CDH18: variants seen among roughly 807,000 people sequenced by gnomAD.
CDH18 encodes the protein cadherin 18.
CDH18 carries 31 observed loss-of-function variants against 67.9 expected under a neutral mutation model. That is an observed-to-expected ratio of 0.46 (90% confidence interval 0.34 to 0.62). The LOEUF is 0.62. Ranked by LOEUF, CDH18 falls within the 20% of genes least tolerant of loss-of-function variation. The pLI, the probability that CDH18 is intolerant of heterozygous loss-of-function variation, is 0.01. For synonymous variants in CDH18, 362 were observed against 347.2 expected (o/e 1.04, Z -0.48); for missense variants, 890 against 975.5 (o/e 0.91, Z 1.17).
intron 1 of CDH18, among the ~76,000 whole-genome samples, chr5:20,384,285 A>G (rs1744136994): frequency 6.6e-6 from 1 of 152,076 alleles, no homozygotes; most frequent in African/African-American, 2.4e-5. Context: ...CCAGCATTCT[A>G]CTTTCCATTT....
At chr5:19,978,944 T>C (rs759268493) in intron 2 of CDH18, among the ~76,000 whole-genome samples, 7 of 152,150 alleles carry the variant, frequency 4.6e-5, no homozygotes, top group Non-Finnish European at 1.5e-5. Context: ...GCGATTAGTA[T>C]GTGAACATCT....
chr5:20,113,666 A>T lies in CDH18; in HGVS notation c.-517-121652T>A, dbSNP rs533171695. Among the ~76,000 whole-genome samples, 10 of 152,374 alleles carry T rather than the reference A, an allele frequency of 6.6e-5. No individual in the cohort carries two copies. The East Asian group carries it at 1.9e-3, about 29-fold the overall frequency. On this transcript the variant is annotated intron_variant, in intron 2 of 14. Coordinates refer to the CDH18 transcript ENST00000507958. ...GGTTAGGTATAAAGTAATAAGGTCA[A>T]TGAGAACGTTTTATGAATATTTGTT...
At chr5:20,478,821 T>C (rs1474974499) in intron 1 of CDH18, among the ~76,000 whole-genome samples, 1 of 152,156 alleles carries the variant, frequency 6.6e-6, no homozygotes, top group Admixed American at 6.5e-5. Flanking sequence ...ATGCTGGCTT[T>C]GGGTCTGACC....
intron 2 of CDH18, among the ~76,000 whole-genome samples, chr5:19,960,586 T>TATATATATATATACACACC (rs1357426735): frequency 3.0e-5 from 4 of 132,740 alleles, no homozygotes; most frequent in African/African-American, 1.4e-4. Context: ...TGTGTGTGTG[T>TATATATATATATACACACC]GTGTATATAT....
intron 2 of CDH18, among the ~76,000 whole-genome samples, chr5:20,064,637 G>A (rs1303501650): frequency 1.3e-5 from 2 of 152,030 alleles, no homozygotes; most frequent in African/African-American, 4.8e-5. Flanking sequence ...CTTAGCTGAA[G>A]GCCTTGCTTC....
intron 2 of CDH18, among the ~76,000 whole-genome samples, chr5:20,198,200 A>G (rs1362914879): frequency 1.3e-5 from 2 of 152,134 alleles, no homozygotes; most frequent in Non-Finnish European, 2.9e-5. Context: ...TAAATGTGGA[A>G]GTGACTTTGG....
chr5:19,766,872 C>T (rs540131803), intron 3 of CDH18, among the ~76,000 whole-genome samples: 2 of 152,208 alleles, frequency 1.3e-5, no homozygotes, highest in South Asian at 2.1e-4. Context: ...CAAAGAATGC[C>T]TTGTCATTCA....
At chr5:19,780,060 A>G (rs1774917731) in intron 3 of CDH18, among the ~76,000 whole-genome samples, 1 of 152,118 alleles carries the variant, frequency 6.6e-6, no homozygotes, top group African/African-American at 2.4e-5. Flanking sequence ...TAACCTTCTT[A>G]GCTTAATGTA....
chr5:19,904,100 C>T (rs1790253975), intron 2 of CDH18, among the ~76,000 whole-genome samples: 2 of 151,452 alleles, frequency 1.3e-5, no homozygotes, highest in South Asian at 2.1e-4. Flanking sequence ...ATGGCAAAAT[C>T]GAGTCTCTAC....
chr5:20,566,276 A>C (rs10078936), intron 1 of CDH18, among the ~76,000 whole-genome samples: 427 of 152,006 alleles, frequency 2.8e-3, no homozygotes, highest in Middle Eastern at 0.014. Flanking sequence ...AGAGAGACTC[A>C]GTTGTTTCAA....
At chr5:20,456,950 C>T (rs1417634686) in intron 1 of CDH18, among the ~76,000 whole-genome samples, 2 of 152,126 alleles carry the variant, frequency 1.3e-5, no homozygotes, top group African/African-American at 2.4e-5. Flanking sequence ...TTTGTCTTGA[C>T]ATTTAGAAGA....
At chr5:19,672,075 T>G (rs1758826133) in intron 5 of CDH18, among the ~76,000 whole-genome samples, 1 of 152,150 alleles carries the variant, frequency 6.6e-6, no homozygotes, top group African/African-American at 2.4e-5. Flanking sequence ...TTACGAAGCA[T>G]TAAATACTGG....
intron 1 of CDH18, among the ~76,000 whole-genome samples, chr5:20,499,978 C>A (rs1444515860): frequency 1.3e-5 from 2 of 152,072 alleles, no homozygotes; most frequent in African/African-American, 4.8e-5. Context: ...TCAGCTATGT[C>A]ACTTCTGTGA....
rs112188373 is a variant in CDH18 at position 20,575,260 on chromosome 5, T to G, written c.-580+202A>C. 5.1e-3 allele frequency among the ~76,000 whole-genome samples: 762 copies of G among 148,622 alleles called. 4 individuals are homozygous for G. Among genetic ancestry groups the G allele is most frequent in the Middle Eastern group, 0.014 (4 of 288 alleles). Reference sequence around the variant, plus strand: ...TGACCTTATTTTTGAAAAAAAAATCTGTACCTGGAGATATTTTTTAAATGC... The same window carrying G: ...TGACCTTATTTTTGAAAAAAAAATCGGTACCTGGAGATATTTTTTAAATGC... On this transcript the variant is annotated intron_variant, in intron 1 of 14. Coordinates refer to the CDH18 transcript ENST00000507958.
At chr5:20,181,391 G>C (rs150021386) in intron 2 of CDH18, among the ~76,000 whole-genome samples, 7 of 152,160 alleles carry the variant, frequency 4.6e-5, no homozygotes, top group Admixed American at 4.6e-4. Flanking sequence ...CAGAGAGGAG[G>C]ATGCACTAAT....
intron 10 of CDH18, among the ~76,000 whole-genome samples, chr5:19,511,712 C>T (rs1480758080): frequency 6.6e-6 from 1 of 151,762 alleles, no homozygotes; most frequent in African/African-American, 2.4e-5. Flanking sequence ...CAAAGAGCAC[C>T]CTGGTGCTCT....
intron 5 of CDH18, among the ~76,000 whole-genome samples, chr5:19,669,132 TATATC>T (rs1758372719): frequency 6.8e-6 from 1 of 146,890 alleles, no homozygotes; most frequent in Middle Eastern, 3.6e-3. Flanking sequence ...TATTATATAA[TATATC>T]ATACATTATA....
chr5:20,480,805 T>G (rs1752752273), intron 1 of CDH18, among the ~76,000 whole-genome samples: 1 of 152,188 alleles, frequency 6.6e-6, no homozygotes, highest in Non-Finnish European at 1.5e-5. Flanking sequence ...TACAATATGT[T>G]ATTTGCAAAC....
At chr5:20,133,845 G>A (rs1420722177) in intron 2 of CDH18, among the ~76,000 whole-genome samples, 1 of 152,040 alleles carries the variant, frequency 6.6e-6, no homozygotes, top group Admixed American at 6.6e-5. Context: ...CTTGGTGTCT[G>A]CCATTAATTT....
Sources: gnomAD v4.1 joint callset for allele counts (sites outside exome capture counted in the v4.1 genomes callset) on GRCh38, gnomAD v4.1.1 for gene constraint, MANE v1.5 for transcripts, NCBI Gene and HGNC (gene_info 2026-07-23, HGNC 2026-07-21) for gene names.